RAB10: variants seen among roughly 807,000 people sequenced by gnomAD.
RAB10 encodes ras-related protein Rab-10.
In RAB10, 5 loss-of-function variants were observed where a neutral mutation model predicts 25.7. That is an observed-to-expected ratio of 0.19 (90% CI 0.10 to 0.41). The LOEUF is 0.41. RAB10 is among the 10% of genes least tolerant of loss of function. The pLI is 1.00. For synonymous variants in RAB10, 89 were observed against 86.4 expected, an observed-to-expected ratio of 1.03 and a Z score of -0.16; for missense variants, 103 against 245.8, an observed-to-expected ratio of 0.42 and a Z score of 3.89.
chr2:26,115,085 C>G (rs999765399), intron 3 of RAB10, among the ~76,000 whole-genome samples: 1 of 152,170 alleles, frequency 6.6e-6, no homozygotes, highest in South Asian at 2.1e-4. Context: ...AGGACAGACT[C>G]TAACAAGCGT....
intron 1 of RAB10, among the ~76,000 whole-genome samples, chr2:26,042,211 G>A (rs1425467469): frequency 6.6e-6 from 1 of 152,072 alleles, no homozygotes; most frequent in East Asian, 1.9e-4. Context: ...GGAGTCTCTC[G>A]GCTCCATGTA....
chr2:26,086,443 CAAAAG>C (rs887204358), intron 1 of RAB10, among the ~76,000 whole-genome samples: 5 of 152,136 alleles, frequency 3.3e-5, no homozygotes, highest in Admixed American at 3.3e-4. Context: ...TTTAAAAACA[CAAAAG>C]GAAAGTAACA....
intron 1 of RAB10, among the ~76,000 whole-genome samples, chr2:26,076,498 T>C (rs557252399): frequency 6.6e-6 from 1 of 152,284 alleles, no homozygotes; most frequent in East Asian, 1.9e-4. Flanking sequence ...GGACATAAGA[T>C]ACTGCCATGT....
intron 3 of RAB10, among the ~76,000 whole-genome samples, chr2:26,124,385 G>T (rs370209770): frequency 1.3e-4 from 3 of 22,810 alleles, no homozygotes; most frequent in Admixed American, 1.1e-3. Flanking sequence ...TATTGTTGTT[G>T]TTGCTTTTTT....
intron 1 of RAB10, among the ~76,000 whole-genome samples, chr2:26,092,762 TAATA>T (rs1667134865): frequency 6.6e-6 from 1 of 152,162 alleles, no homozygotes; most frequent in Non-Finnish European, 1.5e-5. Context: ...TAAGATTAAT[TAATA>T]AATTGTATAC....
At chr2:26,076,466 C>G (rs78408761) in intron 1 of RAB10, among the ~76,000 whole-genome samples, 1 of 152,112 alleles carries the variant, frequency 6.6e-6, no homozygotes, top group South Asian at 2.1e-4. Flanking sequence ...CAGGATTACT[C>G]TCAATGATCT....
upstream of RAB10, chr2:26,033,975 G>A (rs937600572): frequency 4.8e-5 from 19 of 397,594 alleles, no homozygotes; most frequent in Middle Eastern, 6.2e-4. Flanking sequence ...GGAGACAGGA[G>A]CATTCCACTC....
intron 1 of RAB10, among the ~76,000 whole-genome samples, chr2:26,076,214 A>T (rs1559585879): frequency 1.5e-5 from 1 of 65,538 alleles, no homozygotes; most frequent in Non-Finnish European, 3.8e-5. Flanking sequence ...AGGTGGGGAA[A>T]ACAGAGACCT....
At chr2:26,050,728 A>G (rs557302137) in intron 1 of RAB10, among the ~76,000 whole-genome samples, 22 of 151,938 alleles carry the variant, frequency 1.4e-4, no homozygotes, top group South Asian at 6.3e-4. Flanking sequence ...GGCCCAAGCA[A>G]TCCTCCCACT....
intron 1 of RAB10, among the ~76,000 whole-genome samples, chr2:26,084,319 C>T (rs926714494): frequency 2.0e-5 from 3 of 152,120 alleles, no homozygotes; most frequent in Non-Finnish European, 4.4e-5. Context: ...TTCATAAGTT[C>T]CCCCAACAGA....
intron 3 of RAB10, among the ~76,000 whole-genome samples, chr2:26,110,902 C>T (rs968057110): frequency 9.9e-5 from 15 of 152,058 alleles, no homozygotes; most frequent in African/African-American, 3.1e-4. Flanking sequence ...GATGGGGTCT[C>T]GCCATGTTGG....
chr2:26,079,808 G>A (rs897294100), intron 1 of RAB10, among the ~76,000 whole-genome samples: 2 of 152,090 alleles, frequency 1.3e-5, no homozygotes, highest in African/African-American at 4.8e-5. Flanking sequence ...TGGGACTACA[G>A]GCATGTGCCA....
At chr2:26,059,764 G>C (rs748452801) in intron 1 of RAB10, among the ~76,000 whole-genome samples, 1 of 152,162 alleles carries the variant, frequency 6.6e-6, no homozygotes, top group Admixed American at 6.5e-5. Context: ...GGGGAGGGAA[G>C]GGGTGAAGGA....
chr2:26,118,659 A>G (rs796485225), intron 3 of RAB10, among the ~76,000 whole-genome samples: 2 of 152,266 alleles, frequency 1.3e-5, no homozygotes, highest in African/African-American at 4.8e-5. Flanking sequence ...ACATTTGTCA[A>G]TATGTGGAGA....
chr2:26,034,865 A>G, intron 1 of RAB10, 130 bp downstream of exon 1: 1 of 1,357,196 alleles, frequency 7.4e-7, no homozygotes, highest in Non-Finnish European at 1.0e-6. Context: ...CATCCAAGTT[A>G]CTGTTTGAAT....
chr2:26,072,812 T>C (rs1275904127), intron 1 of RAB10, among the ~76,000 whole-genome samples: 1 of 152,250 alleles, frequency 6.6e-6, no homozygotes, highest in Non-Finnish European at 1.5e-5. Context: ...GAAAATATAG[T>C]AATTTTTAAC....
intron 1 of RAB10, among the ~76,000 whole-genome samples, chr2:26,042,961 G>T (rs541793372): frequency 6.6e-6 from 1 of 152,242 alleles, no homozygotes; most frequent in African/African-American, 2.4e-5. Flanking sequence ...AACGACAAAA[G>T]CAAGTGATGA....
At chr2:26,056,613 T>G (rs1471063801) in intron 1 of RAB10, among the ~76,000 whole-genome samples, 3 of 152,184 alleles carry the variant, frequency 2.0e-5, no homozygotes, top group Non-Finnish European at 2.9e-5. Context: ...CAAGATGTAT[T>G]TTAATGTATT....
At chr2:26,081,117 C>CT (rs1666859362) in intron 1 of RAB10, among the ~76,000 whole-genome samples, 1 of 152,154 alleles carries the variant, frequency 6.6e-6, no homozygotes, top group Admixed American at 6.5e-5. Flanking sequence ...CACAAGCTCT[C>CT]TCTTTGCCTG....
Sources: allele counts gnomAD v4.1 joint callset (sites outside exome capture counted in the v4.1 genomes callset), GRCh38; gene constraint gnomAD v4.1.1; transcripts MANE v1.5; gene names NCBI Gene and HGNC (gene_info 2026-07-23, HGNC 2026-07-21).